The following LARS2 variants were observed in gnomAD, a reference collection of about 807,000 sequenced individuals.
LARS2 encodes the protein leucine--tRNA ligase, mitochondrial.
Under a neutral mutation model 116.6 loss-of-function variants are expected in LARS2, and 81 were observed. The ratio of observed to expected loss-of-function variants is 0.69; its 90% confidence interval spans 0.58 to 0.84. The LOEUF (loss-of-function observed/expected upper bound fraction) is 0.84, where lower values mean the gene tolerates loss of function less well. Among genes scored for constraint, LARS2 ranks in the 40% least tolerant of loss-of-function variants. LARS2 has a pLI of 0.00. For synonymous variants in LARS2, 396 were observed against 407.2 expected (o/e 0.97, Z 0.33); for missense variants, 968 against 1,114.5 (o/e 0.87, Z 1.87).
intron 20 of LARS2, among the ~76,000 whole-genome samples, chr3:45,538,673 C>T (rs1000473439): frequency 1.3e-5 from 2 of 152,238 alleles, no homozygotes; most frequent in Non-Finnish European, 2.9e-5. Context: ...TCACTTCCCT[C>T]AGGCTGACTG....
rs141880088 is a variant in LARS2, at chr3:45,539,268, T to C, written c.2405-2561T>C. On this transcript the variant is annotated intron_variant, in intron 20 of 21. Coordinates refer to ENST00000645846, the MANE Select transcript of LARS2 (RefSeq NM_015340.4). ...CTGATCTCACAGGACGAAAAAATGTTAAATATTTTTTCAAATTAAAAAAGT... is the reference window on the plus strand; with the variant it reads ...CTGATCTCACAGGACGAAAAAATGTCAAATATTTTTTCAAATTAAAAAAGT... Among the ~76,000 whole-genome samples, 198 of 152,324 alleles carry C rather than the reference T, an allele frequency of 1.3e-3. 1 individual carries two copies. Among genetic ancestry groups the C allele is most frequent in the East Asian group, 0.01 (52 of 5,194 alleles).
intron 3 of LARS2, among the ~76,000 whole-genome samples, chr3:45,399,098 A>G (rs943897646): frequency 4.6e-5 from 7 of 152,146 alleles, no homozygotes; most frequent in Admixed American, 1.3e-4. Context: ...GAAGCTGGAG[A>G]GTTATATAAC....
chr3:45,488,305 C>T (rs776872081), intron 11 of LARS2, among the ~76,000 whole-genome samples: 7 of 152,056 alleles, frequency 4.6e-5, no homozygotes, highest in African/African-American at 7.2e-5. Context: ...TGGTAGCGCA[C>T]GCCTGTTATC....
chr3:45,394,390 G>A, intron 2 of LARS2, 43 bp from the exon 3 acceptor site: 1 of 1,103,676 alleles, frequency 9.1e-7, no homozygotes, highest in Non-Finnish European at 1.4e-6. Context: ...CTCTGGGGAG[G>A]GTTTGAGGCA....
At chr3:45,517,245 G>A (rs1559494821) in intron 17 of LARS2, among the ~76,000 whole-genome samples, 2 of 152,232 alleles carry the variant, frequency 1.3e-5, no homozygotes, top group African/African-American at 2.4e-5. Flanking sequence ...AGGTTCTGCT[G>A]TGCATTCAGG....
At chr3:45,409,356 G>T (rs1214016641) in intron 4 of LARS2, among the ~76,000 whole-genome samples, 1 of 152,178 alleles carries the variant, frequency 6.6e-6, no homozygotes, top group Non-Finnish European at 1.5e-5. Flanking sequence ...AGAGTTTGGA[G>T]TTCTTCCCAG....
chr3:45,481,453 A>G (rs1699699835), intron 10 of LARS2, among the ~76,000 whole-genome samples: 1 of 152,242 alleles, frequency 6.6e-6, no homozygotes, highest in African/African-American at 2.4e-5. Context: ...TCACCATTTT[A>G]CATTCCCACC....
intron 3 of LARS2, among the ~76,000 whole-genome samples, chr3:45,399,793 C>G (rs1233014703): frequency 6.6e-6 from 1 of 151,788 alleles, no homozygotes; most frequent in African/African-American, 2.4e-5. Context: ...ACCCCCCTTT[C>G]CACCCTTCCC....
chr3:45,389,120 T>C (rs1223013044), intron 1 of LARS2: 1 of 152,210 alleles, frequency 6.6e-6, no homozygotes, highest in Non-Finnish European at 1.5e-5. Flanking sequence ...AATTAGTAGC[T>C]GCAAAATCCA....
intron 4 of LARS2, among the ~76,000 whole-genome samples, chr3:45,401,534 G>A (rs1698149604): frequency 1.3e-5 from 2 of 152,034 alleles, no homozygotes; most frequent in Non-Finnish European, 2.9e-5. Flanking sequence ...GGGCCTTGAA[G>A]AATGAGGTGA....
chr3:45,519,420 G>A (rs1700417704), intron 18 of LARS2, among the ~76,000 whole-genome samples: 1 of 150,274 alleles, frequency 6.7e-6, no homozygotes, highest in South Asian at 2.2e-4. Context: ...GAACCTGGGA[G>A]GCAGAGGTTG....
intron 20 of LARS2, among the ~76,000 whole-genome samples, chr3:45,535,267 C>T (rs559063038): frequency 2.6e-5 from 4 of 151,614 alleles, no homozygotes; most frequent in East Asian, 1.9e-4. Context: ...GCAGAAGAAT[C>T]GCTTGAACCT....
intron 20 of LARS2, among the ~76,000 whole-genome samples, chr3:45,527,743 T>C (rs1483857733): frequency 6.6e-6 from 1 of 152,234 alleles, no homozygotes; most frequent in African/African-American, 2.4e-5. Context: ...TTTGATATTT[T>C]GTGTGTTTCA....
At chr3:45,412,034 C>T (rs62244089) in intron 4 of LARS2, among the ~76,000 whole-genome samples, 17,600 of 152,182 alleles carry the variant, frequency 0.12, 1,345 homozygotes, top group East Asian at 0.25. Context: ...TCTTTTTTTA[C>T]GGCTGCATAG....
chr3:45,537,696 T>C (rs1700727805), intron 20 of LARS2, among the ~76,000 whole-genome samples: 1 of 152,110 alleles, frequency 6.6e-6, no homozygotes, highest in South Asian at 2.1e-4. Context: ...CCCTGACTCT[T>C]CCCCCCTGGT....
At chr3:45,510,242 A>G (rs972432277) in intron 15 of LARS2, among the ~76,000 whole-genome samples, 2 of 151,992 alleles carry the variant, frequency 1.3e-5, no homozygotes, top group Non-Finnish European at 2.9e-5. Flanking sequence ...GTGAGACTTC[A>G]TCTCTACCAA....
chr3:45,447,905 C>G (rs1699048560), intron 7 of LARS2, among the ~76,000 whole-genome samples: 1 of 152,076 alleles, frequency 6.6e-6, no homozygotes. Context: ...ATGATAGCCA[C>G]TAGCCACATG....
chr3:45,532,841 C>A (rs1469432065), intron 20 of LARS2, among the ~76,000 whole-genome samples: 1 of 152,030 alleles, frequency 6.6e-6, no homozygotes, highest in African/African-American at 2.4e-5. Flanking sequence ...GAGGTTTTGC[C>A]ATGTTGGCCA....
Position 45,512,014 on chromosome 3 carries a change from A to G in LARS2, c.1761-1121A>G, listed in dbSNP as rs982327721. Among the ~76,000 whole-genome samples the G allele has an allele frequency of 4.6e-5, 7 of 151,964 alleles. No individual in the cohort carries two copies. In the South Asian group the frequency reaches 1.0e-3, roughly 23 times the overall value. ...CAGTCTCAAACTTTGAGCTCAGGCA[A>G]TCCACCTGCCTCGGCCTCCCAAAGC... On this transcript the variant is annotated intron_variant, in intron 15 of 21. Transcript: ENST00000645846.
Sources: gnomAD v4.1 joint callset for allele counts (sites outside exome capture counted in the v4.1 genomes callset) on GRCh38, gnomAD v4.1.1 for gene constraint, MANE v1.5 for transcripts, NCBI Gene and HGNC (gene_info 2026-07-23, HGNC 2026-07-21) for gene names.